ERC1: variants seen among roughly 807,000 people sequenced by gnomAD.
ERC1 encodes the protein RAB6 interacting protein 2.
In ERC1, 56 loss-of-function variants were observed where a neutral mutation model predicts 132.0. The ratio of observed to expected loss-of-function variants is 0.42; its 90% CI spans 0.34 to 0.53. The LOEUF (loss-of-function observed/expected upper bound fraction) is 0.53, where lower values mean the gene tolerates loss of function less well. Ranked by LOEUF, ERC1 falls within the 20% of genes least tolerant of loss-of-function variation. ERC1 has a pLI of 0.03. For missense variants in ERC1, 1,202 were observed against 1,349.9 expected, an observed-to-expected ratio of 0.89 and a Z score of 1.72; for synonymous variants, 478 against 476.1, an observed-to-expected ratio of 1.00 and a Z score of -0.05.
At chr12:1,300,474 A>G (rs957345381) in intron 15 of ERC1, among the ~76,000 whole-genome samples, 3 of 152,202 alleles carry the variant, frequency 2.0e-5, no homozygotes, top group Admixed American at 6.5e-5. Context: ...TAATTAAACT[A>G]TAGAGATTCT....
intron 2 of ERC1, among the ~76,000 whole-genome samples, chr12:1,064,301 C>G (rs75664170): frequency 6.6e-6 from 1 of 151,840 alleles, no homozygotes; most frequent in Admixed American, 6.6e-5. Flanking sequence ...TCATGTCTCA[C>G]GACAGCCCTC....
chr12:1,149,158 T>C (rs1219938117), intron 8 of ERC1, among the ~76,000 whole-genome samples: 1 of 152,096 alleles, frequency 6.6e-6, no homozygotes, highest in Non-Finnish European at 1.5e-5. Context: ...TTAAAAATTA[T>C]ATAAAAATAA....
chr12:1,286,068 T>C (rs1263161638), intron 14 of ERC1, among the ~76,000 whole-genome samples: 1 of 151,940 alleles, frequency 6.6e-6, no homozygotes, highest in African/African-American at 2.4e-5. Flanking sequence ...CCAAGGCAGG[T>C]GGATCACTTG....
chr12:1,260,898 C>G (rs1338093514), intron 13 of ERC1, among the ~76,000 whole-genome samples: 1 of 152,058 alleles, frequency 6.6e-6, no homozygotes, highest in African/African-American at 2.4e-5. Context: ...GTTTTTCATC[C>G]TTATTATCGA....
intron 16 of ERC1, among the ~76,000 whole-genome samples, chr12:1,382,008 G>A (rs1378479495): frequency 6.6e-6 from 1 of 152,114 alleles, no homozygotes; most frequent in Admixed American, 6.5e-5. Flanking sequence ...GGTTATTCTT[G>A]TTGGTGTGAT....
At chr12:1,457,574 G>A (rs2093564689) in intron 18 of ERC1, among the ~76,000 whole-genome samples, 1 of 152,050 alleles carries the variant, frequency 6.6e-6, no homozygotes, top group Non-Finnish European at 1.5e-5. Context: ...CAAGTCTTTG[G>A]AAAGATTTAG....
intron 12 of ERC1, among the ~76,000 whole-genome samples, chr12:1,235,100 G>A (rs1395626189): frequency 6.6e-6 from 1 of 152,240 alleles, no homozygotes; most frequent in Admixed American, 6.5e-5. Flanking sequence ...TGGACATGGT[G>A]ACTCATGCCT....
chr12:1,397,873 CTAAT>C (rs1195740728), intron 16 of ERC1, among the ~76,000 whole-genome samples: 8 of 151,856 alleles, frequency 5.3e-5, no homozygotes, highest in Admixed American at 3.9e-4. Flanking sequence ...ACAAATGAAT[CTAAT>C]TATATATTAA....
chr12:1,401,447 T>G (rs1250156793), intron 16 of ERC1, among the ~76,000 whole-genome samples: 3 of 152,172 alleles, frequency 2.0e-5, no homozygotes, highest in African/African-American at 7.2e-5. Flanking sequence ...TTCTGTTCTT[T>G]CCTCTGGTGT....
chr12:1,057,077 AT>A (rs1973104324), intron 2 of ERC1, among the ~76,000 whole-genome samples: 1 of 152,184 alleles, frequency 6.6e-6, no homozygotes, highest in African/African-American at 2.4e-5. Context: ...CATAGGAAAC[AT>A]GGCAAACATG....
Position 1,141,728 on chromosome 12 carries a change from C to G in ERC1, c.1678C>G (p.His560Asp). The G allele has an allele frequency of 2.5e-6, 4 of 1,613,132 alleles. No individual in the cohort carries two copies. The highest frequency in any genetic ancestry group is 3.4e-6 in the Non-Finnish European group (4 of 1,179,486). ...GAAGGGGACACAAGCTGGAGAGATA[C>G]ATGACCTCAAGGACATGTTGGATGT... is the stretch of plus-strand genomic sequence containing the variant. ...EEKGTQAGEI[H>D]DLKDMLDVKE... The change falls in exon 8 of 19, where the codon CAT becomes GAT. Residue 560 changes from histidine (H) to aspartate (D), a missense_variant. Physicochemically the swap from His to Asp is moderately conservative, Grantham distance 81 (BLOSUM62 -1). Coordinates refer to ENST00000360905, the MANE Select transcript of ERC1 (RefSeq NM_178040.4).
intron 1 of ERC1, among the ~76,000 whole-genome samples, chr12:1,024,697 A>T (rs1207588277): frequency 6.6e-6 from 1 of 152,138 alleles, no homozygotes; most frequent in African/African-American, 2.4e-5. Context: ...AATCAGAGAG[A>T]TCTAGTTTAG....
chr12:1,104,126 TAAA>T (rs368864717), intron 3 of ERC1, among the ~76,000 whole-genome samples: 4 of 125,206 alleles, frequency 3.2e-5, no homozygotes, highest in South Asian at 2.5e-4. Context: ...AAAATTTGGG[TAAA>T]AAAAAAAAAA....
At chr12:1,285,287 T>C (rs2078968516) in intron 14 of ERC1, among the ~76,000 whole-genome samples, 1 of 152,160 alleles carries the variant, frequency 6.6e-6, no homozygotes, top group East Asian at 1.9e-4. Flanking sequence ...CATTGGGTTT[T>C]ATATCTTCAT....
At chr12:1,442,755 A>G (rs2093192421) in intron 17 of ERC1, among the ~76,000 whole-genome samples, 1 of 152,230 alleles carries the variant, frequency 6.6e-6, no homozygotes, top group African/African-American at 2.4e-5. Context: ...TCGGTCATAT[A>G]TAATGTAGTG....
chr12:1,071,542 T>C (rs920897189), intron 2 of ERC1, among the ~76,000 whole-genome samples: 2 of 140,002 alleles, frequency 1.4e-5, no homozygotes, highest in African/African-American at 5.3e-5. Flanking sequence ...TACCCACTTT[T>C]AAAAAGTTTT....
At chr12:1,477,387 G>A (rs2154430155) in intron 18 of ERC1, among the ~76,000 whole-genome samples, 1 of 152,234 alleles carries the variant, frequency 6.6e-6, no homozygotes, top group Non-Finnish European at 1.5e-5. Context: ...GCTAAGCAGA[G>A]GATCTAAGAG....
chr12:1,337,965 A>G (rs1219449148), intron 15 of ERC1, among the ~76,000 whole-genome samples: 1 of 152,144 alleles, frequency 6.6e-6, no homozygotes, highest in Non-Finnish European at 1.5e-5. Context: ...GCTGCCTTTA[A>G]CATTTTTTTC....
intron 3 of ERC1, among the ~76,000 whole-genome samples, chr12:1,092,243 C>T (rs561857546): frequency 1.1e-4 from 16 of 152,226 alleles, no homozygotes; most frequent in South Asian, 4.1e-4. Flanking sequence ...GTGATCCGCC[C>T]GCCTCGGCCT....
Sources: allele counts gnomAD v4.1 joint callset (sites outside exome capture counted in the v4.1 genomes callset), GRCh38; gene constraint gnomAD v4.1.1; transcripts MANE v1.5; gene names NCBI Gene and HGNC (gene_info 2026-07-23, HGNC 2026-07-21).